Variants in FABP12 observed in about 807,000 individuals in gnomAD.
The protein encoded by FABP12 is fatty acid binding protein 12, also known as fatty acid-binding protein 12.
Under a neutral mutation model 13.7 loss-of-function variants are expected in FABP12, and 19 were observed. The observed-to-expected ratio is 1.39, with a 90% CI of 0.97 to 2.04. The LOEUF (loss-of-function observed/expected upper bound fraction) is 2.04, where lower values mean the gene tolerates loss of function less well. Ranked by LOEUF, FABP12 falls within the 30% of genes most tolerant of loss-of-function variation. The pLI, the probability that FABP12 is intolerant of heterozygous loss-of-function variation, is 0.00. For missense variants in FABP12, 182 were observed against 164.2 expected, an observed-to-expected ratio of 1.11 and a Z score of -0.59; for synonymous variants, 61 against 57.0, an observed-to-expected ratio of 1.07 and a Z score of -0.32.
chr8:81,549,243 A>G (rs1043732234), intron 1 of FABP12, among the ~76,000 whole-genome samples: 1 of 151,912 alleles, frequency 6.6e-6, no homozygotes, highest in Non-Finnish European at 1.5e-5. Flanking sequence ...ACACACACAC[A>G]CACACACACA....
chr8:81,548,992 C>T (rs1809481787), intron 1 of FABP12, among the ~76,000 whole-genome samples: 1 of 152,110 alleles, frequency 6.6e-6, no homozygotes, highest in Non-Finnish European at 1.5e-5. Context: ...AGATTACCCT[C>T]CATAATGAGG....
At chr8:81,572,703 T>A (rs1414671423) in intron 1 of FABP12, among the ~76,000 whole-genome samples, 1 of 152,202 alleles carries the variant, frequency 6.6e-6, no homozygotes, top group Admixed American at 6.5e-5. Context: ...CCCTCATTAG[T>A]GATGTTGAGC....
rs907422819 is a variant in FABP12, at chr8:81,533,788, G to A, written c.-76+14C>T. On this transcript the variant is annotated intron_variant, in intron 1 of 4. Coordinates refer to ENST00000360464, the Ensembl canonical transcript of FABP12. Reference sequence around the variant, plus strand: ...GGTGACATGGGGATCTGCACCACCTGCTCATGCAGTTACCTTAGGACTTCT... The same window carrying A: ...GGTGACATGGGGATCTGCACCACCTACTCATGCAGTTACCTTAGGACTTCT... 6.6e-6 allele frequency among the ~76,000 whole-genome samples: 1 copy of A among 152,130 alleles called. No individual in the cohort carries two copies. The highest frequency in any genetic ancestry group is 2.4e-5 in the African/African-American group (1 of 41,426).
chr8:81,572,133 A>G (rs1809944709), intron 1 of FABP12, among the ~76,000 whole-genome samples: 1 of 149,124 alleles, frequency 6.7e-6, no homozygotes, highest in Non-Finnish European at 1.5e-5. Flanking sequence ...CAAGTCCCCA[A>G]AGTCCATTGT....
At chr8:81,582,118 A>ATTT (rs34960860) in intron 1 of FABP12, among the ~76,000 whole-genome samples, 14,161 of 96,618 alleles carry the variant, frequency 0.15, 1,837 homozygotes, top group Admixed American at 0.23. Context: ...GCTAACTGGA[A>ATTT]TTTTTTTTTT....
chr8:81,578,588 C>A (rs1266808761), intron 1 of FABP12, among the ~76,000 whole-genome samples: 1 of 150,912 alleles, frequency 6.6e-6, no homozygotes, highest in Non-Finnish European at 1.5e-5. Flanking sequence ...CAGGTTCAAG[C>A]GATTCTCCTG....
At chr8:81,528,082 G>A (rs1396829002) in intron 3 of FABP12, among the ~76,000 whole-genome samples, 1 of 151,920 alleles carries the variant, frequency 6.6e-6, no homozygotes, top group Non-Finnish European at 1.5e-5. Context: ...TTTTTTTGTT[G>A]TTGTTGTTGT....
chr8:81,554,889 A>G (rs751937654), intron 1 of FABP12, among the ~76,000 whole-genome samples: 1 of 152,180 alleles, frequency 6.6e-6, no homozygotes, highest in Non-Finnish European at 1.5e-5. Flanking sequence ...AAGCCATGCT[A>G]GGTCGTGTGT....
At position 81,555,673 on chromosome 8, in the gene FABP12, A is replaced by G. The variant is rs923836315; in HGVS notation, c.-184-15930T>C. 2.6e-5 allele frequency among the ~76,000 whole-genome samples: 4 copies of G among 152,338 alleles called. No homozygotes were observed. In the East Asian group the frequency reaches 7.7e-4, roughly 29 times the overall value. On this transcript the variant is annotated intron_variant, in intron 1 of 5. Transcript: ENST00000692030. Reference sequence around the variant, plus strand: ...TTCTTTGTTACTTTGTATCAATTCAATTAAGGCAACATCCTATTCCATAGT... The same window carrying G: ...TTCTTTGTTACTTTGTATCAATTCAGTTAAGGCAACATCCTATTCCATAGT...
intron 1 of FABP12, among the ~76,000 whole-genome samples, chr8:81,570,140 C>T (rs1809900146): frequency 6.6e-6 from 1 of 152,206 alleles, no homozygotes; most frequent in African/African-American, 2.4e-5. Flanking sequence ...CCCCAGCTGG[C>T]ACCAGGGAAT....
chr8:81,556,977 C>T (rs548529271), intron 1 of FABP12, among the ~76,000 whole-genome samples: 30 of 148,740 alleles, frequency 2.0e-4, no homozygotes, highest in Admixed American at 1.5e-3. Context: ...CAGATTCAAG[C>T]GATTCTCCTG....
At chr8:81,540,781 T>C (rs952289037) in intron 1 of FABP12, among the ~76,000 whole-genome samples, 1 of 152,206 alleles carries the variant, frequency 6.6e-6, no homozygotes, top group Non-Finnish European at 1.5e-5. Flanking sequence ...ACACGTTAGA[T>C]GTTAACATTA....
At chr8:81,587,744 G>T (rs1196218198) in intron 1 of FABP12, among the ~76,000 whole-genome samples, 1 of 151,974 alleles carries the variant, frequency 6.6e-6, no homozygotes, top group Non-Finnish European at 1.5e-5. Context: ...ATTAGTCAGG[G>T]TTCTCTAGAG....
chr8:81,571,069 C>T (rs1809923233), intron 1 of FABP12, among the ~76,000 whole-genome samples: 1 of 152,180 alleles, frequency 6.6e-6, no homozygotes, highest in Admixed American at 6.5e-5. Context: ...GTCCCCCCAC[C>T]CCACTTACAC....
At chr8:81,574,491 C>T (rs11985128) in intron 1 of FABP12, among the ~76,000 whole-genome samples, 6,317 of 152,046 alleles carry the variant, frequency 0.042, 417 homozygotes, top group African/African-American at 0.14. Flanking sequence ...AGGGGTTCTT[C>T]TTTCTCTGTC....
intron 1 of FABP12, among the ~76,000 whole-genome samples, chr8:81,579,394 G>A (rs1053252692): frequency 1.3e-5 from 2 of 152,076 alleles, no homozygotes; most frequent in Admixed American, 1.3e-4. Flanking sequence ...TAGGGAAAAA[G>A]AAACAATCTC....
chr8:81,529,540 A>T, exon 3 of FABP12: 2 of 1,613,922 alleles, frequency 1.2e-6, no homozygotes, highest in South Asian at 2.2e-5. Context: ...TTGTGATGAC[A>T]TCTCCATCTG....
intron 1 of FABP12, among the ~76,000 whole-genome samples, chr8:81,565,181 T>C (rs1371246452): frequency 1.3e-5 from 2 of 151,946 alleles, no homozygotes; most frequent in African/African-American, 2.4e-5. Context: ...CACCCAGATA[T>C]ATAGGGCAAA....
At chr8:81,536,025 G>C (rs1392951066), upstream of FABP12, among the ~76,000 whole-genome samples, 1 of 152,142 alleles carries the variant, frequency 6.6e-6, no homozygotes, top group Non-Finnish European at 1.5e-5. Context: ...ACCCTTAGCT[G>C]TGCCTTCAGC....
Sources: gnomAD v4.1 joint callset for allele counts (sites outside exome capture counted in the v4.1 genomes callset) on GRCh38, gnomAD v4.1.1 for gene constraint, MANE v1.5 for transcripts, NCBI Gene and HGNC (gene_info 2026-07-23, HGNC 2026-07-21) for gene names.